Variants in CRACDL observed in about 807,000 individuals in gnomAD.
CRACDL encodes CRACD-like protein.
A neutral mutation model predicts 70.6 loss-of-function variants in CRACDL; 26 were observed. That is an observed-to-expected ratio of 0.37 (90% confidence interval 0.27 to 0.51). The LOEUF (loss-of-function observed/expected upper bound fraction) is 0.51, where lower values mean the gene tolerates loss of function less well. Among genes scored for constraint, CRACDL ranks in the 20% least tolerant of loss-of-function variants. The probability of loss-of-function intolerance (pLI) is 0.94; values close to 1 mark genes in which losing one functional copy is unlikely to be tolerated. For synonymous variants in CRACDL, 618 were observed against 615.2 expected, an observed-to-expected ratio of 1.00 and a Z score of -0.07; for missense variants, 1,283 against 1,376.9, an observed-to-expected ratio of 0.93 and a Z score of 1.08.
At chr2:98,798,055 T>C (rs766601294) in intron 7 of CRACDL, among the ~76,000 whole-genome samples, 2 of 152,126 alleles carry the variant, frequency 1.3e-5, no homozygotes, top group Admixed American at 6.5e-5. Flanking sequence ...TGAAACCATA[T>C]AGAGTTGGCC....
chr2:98,853,000 G>A (rs1490862829), intron 1 of CRACDL, among the ~76,000 whole-genome samples: 4 of 133,466 alleles, frequency 3.0e-5, no homozygotes, highest in Non-Finnish European at 1.6e-5. Flanking sequence ...AGGGAGGAGA[G>A]GGGAGGGGAG....
At chr2:98,833,273 T>C (rs1187266137) in intron 3 of CRACDL, among the ~76,000 whole-genome samples, 3 of 152,086 alleles carry the variant, frequency 2.0e-5, no homozygotes, top group African/African-American at 7.2e-5. Context: ...TTTGATAAGG[T>C]GTGAGGTGCA....
At chr2:98,925,251 C>A (rs1020195379) in intron 1 of CRACDL, among the ~76,000 whole-genome samples, 4 of 152,172 alleles carry the variant, frequency 2.6e-5, no homozygotes, top group Non-Finnish European at 5.9e-5. Flanking sequence ...AGGCTCAGCC[C>A]CAGGCCCTGT....
intron 1 of CRACDL, among the ~76,000 whole-genome samples, chr2:98,864,557 T>C (rs1707059378): frequency 6.6e-6 from 1 of 152,074 alleles, no homozygotes; most frequent in Admixed American, 6.5e-5. Flanking sequence ...CCTTTTTTTT[T>C]TTTTTTTGAG....
intron 7 of CRACDL, among the ~76,000 whole-genome samples, chr2:98,801,716 T>C (rs1559199579): frequency 6.6e-6 from 1 of 152,228 alleles, no homozygotes; most frequent in Non-Finnish European, 1.5e-5. Flanking sequence ...ATATCCACTG[T>C]CTATACCTCT....
chr2:98,834,529 C>T (rs1031729316), intron 3 of CRACDL, among the ~76,000 whole-genome samples: 1 of 152,130 alleles, frequency 6.6e-6, no homozygotes, highest in African/African-American at 2.4e-5. Context: ...ATTATCTGAA[C>T]ATGTGTGTGT....
chr2:98,874,353 C>T (rs1166127041), intron 1 of CRACDL, among the ~76,000 whole-genome samples: 1 of 152,262 alleles, frequency 6.6e-6, no homozygotes, highest in Non-Finnish European at 1.5e-5. Flanking sequence ...TGTTGCCCCC[C>T]TGATGGTTTC....
intron 9 of CRACDL, among the ~76,000 whole-genome samples, chr2:98,795,075 A>ATTTTTTTTTT (rs1310155610): frequency 0.047 from 1,137 of 24,354 alleles, 94 homozygotes; most frequent in South Asian, 0.11. Flanking sequence ...ATATATATAT[A>ATTTTTTTTTT]TATTTTTTTT....
chr2:98,851,717 A>C (rs532793299), intron 1 of CRACDL, among the ~76,000 whole-genome samples: 3 of 152,326 alleles, frequency 2.0e-5, no homozygotes, highest in South Asian at 2.1e-4. Flanking sequence ...ATAAGTGCCA[A>C]CATAGATTCT....
At chr2:98,880,873 G>A (rs1182069152) in intron 1 of CRACDL, among the ~76,000 whole-genome samples, 1 of 152,192 alleles carries the variant, frequency 6.6e-6, no homozygotes, top group Non-Finnish European at 1.5e-5. Context: ...CCCCGCAAGG[G>A]GGAAGCCTTG....
chr2:98,902,442 T>C (rs1191260792), intron 1 of CRACDL, among the ~76,000 whole-genome samples: 2 of 152,036 alleles, frequency 1.3e-5, no homozygotes, highest in Admixed American at 1.3e-4. Context: ...CAGCAAATGA[T>C]CTGATCAATA....
intron 9 of CRACDL, among the ~76,000 whole-genome samples, chr2:98,795,726 C>T (rs1224597918): frequency 1.3e-5 from 2 of 152,158 alleles, no homozygotes; most frequent in Non-Finnish European, 2.9e-5. Context: ...ACCTCTCCCA[C>T]CTGCATATAC....
At chr2:98,800,044 C>A (rs1198383406) in intron 7 of CRACDL, among the ~76,000 whole-genome samples, 2 of 152,226 alleles carry the variant, frequency 1.3e-5, no homozygotes, top group African/African-American at 4.8e-5. Context: ...GTGTACACTC[C>A]AGCCCTACTT....
At chr2:98,920,699 T>C (rs576533174) in intron 1 of CRACDL, among the ~76,000 whole-genome samples, 72 of 152,306 alleles carry the variant, frequency 4.7e-4, no homozygotes, top group African/African-American at 1.7e-3. Flanking sequence ...ACTCCAACGC[T>C]ACCTCCCCAA....
intron 1 of CRACDL, among the ~76,000 whole-genome samples, chr2:98,930,315 A>ACCCCAT (rs1180408305): frequency 9.3e-6 from 1 of 107,828 alleles, no homozygotes; most frequent in Non-Finnish European, 1.9e-5. Context: ...CGTGTCCCCT[A>ACCCCAT]CCCCATCCCC....
chr2:98,930,917 A>G lies in CRACDL; in HGVS notation c.-11+5021T>C, dbSNP rs528407026. ...ATGGAGCATTTTCTATGTTTGTCAT[A>G]CAGCACCTCATGTAATGCTCATGTA... On this transcript the variant is annotated intron_variant, in intron 1 of 9. Coordinates refer to ENST00000397899, the MANE Select transcript of CRACDL (RefSeq NM_207362.3). 1.6e-3 allele frequency among the ~76,000 whole-genome samples: 241 copies of G among 152,290 alleles called. 2 individuals are homozygous for G. The highest frequency in any genetic ancestry group is 5.6e-3 in the African/African-American group (233 of 41,552).
At position 98,833,314 on chromosome 2, in the gene CRACDL, G is replaced by T. The variant is rs998871562; in HGVS notation, c.240-317C>A. 7.9e-5 allele frequency among the ~76,000 whole-genome samples: 12 copies of T among 152,252 alleles called. No homozygotes were observed. In the South Asian group the frequency reaches 1.2e-3, roughly 16 times the overall value. ...GCAAGCCTGCAGAGGGGAGGGGCTG[G>T]CACGGCCAGCTTCTGAGGAGGCCTG... On this transcript the variant is annotated intron_variant, in intron 3 of 9. Transcript: ENST00000397899.
intron 1 of CRACDL, among the ~76,000 whole-genome samples, chr2:98,870,385 A>T (rs17022034): frequency 0.075 from 11,434 of 152,310 alleles, 619 homozygotes; most frequent in Admixed American, 0.17. Flanking sequence ...CACAACGAAT[A>T]CATTTGATGA....
intron 7 of CRACDL, 63 bp from the exon 8 acceptor site, chr2:98,797,600 T>C: frequency 2.0e-6 from 3 of 1,502,528 alleles, no homozygotes; most frequent in South Asian, 1.2e-5. Context: ...GCACCCTTTG[T>C]GTCTCCTGCA....
Sources: gnomAD v4.1 joint callset for allele counts (sites outside exome capture counted in the v4.1 genomes callset) on GRCh38, gnomAD v4.1.1 for gene constraint, MANE v1.5 for transcripts, NCBI Gene and HGNC (gene_info 2026-07-23, HGNC 2026-07-21) for gene names.